RBM46: variants seen among roughly 807,000 people sequenced by gnomAD.
The protein encoded by RBM46 is RNA binding motif protein 46, also known as probable RNA-binding protein 46.
RBM46 carries 12 observed loss-of-function variants against 43.3 expected under a neutral mutation model. The observed-to-expected ratio is 0.28, with a 90% CI of 0.18 to 0.45. The LOEUF is 0.45. RBM46 is among the 20% of genes least tolerant of loss of function. RBM46 has a pLI of 1.00. For synonymous variants in RBM46, 205 were observed against 207.6 expected (o/e 0.99, Z 0.11); for missense variants, 412 against 639.1 (o/e 0.64, Z 3.83).
chr4:154,814,851 T>A (rs573936088), intron 4 of RBM46, among the ~76,000 whole-genome samples: 114 of 151,412 alleles, frequency 7.5e-4, no homozygotes, highest in African/African-American at 2.0e-3. Context: ...CCCTTTTTTT[T>A]AAAACTCCTT....
intron 4 of RBM46, among the ~76,000 whole-genome samples, chr4:154,817,331 CTTT>C (rs58860836): frequency 0.1 from 13,192 of 126,364 alleles, 1,169 homozygotes; most frequent in African/African-American, 0.28. Context: ...TTTTCTCTTT[CTTT>C]TTTTTTTTTT....
intron 4 of RBM46, among the ~76,000 whole-genome samples, chr4:154,802,725 A>G (rs184578976): frequency 2.0e-5 from 3 of 152,284 alleles, no homozygotes; most frequent in East Asian, 3.9e-4. Flanking sequence ...TGAGAAGTCA[A>G]ATTTTCTAGA....
At chr4:154,785,089 G>A (rs926453422) in intron 1 of RBM46, among the ~76,000 whole-genome samples, 2 of 150,786 alleles carry the variant, frequency 1.3e-5, no homozygotes, top group Admixed American at 6.6e-5. Context: ...TGAGATAAGG[G>A]TTTTTTTTTC....
chr4:154,785,996 C>CT (rs1200453325), intron 1 of RBM46, among the ~76,000 whole-genome samples: 1 of 152,126 alleles, frequency 6.6e-6, no homozygotes, highest in Non-Finnish European at 1.5e-5. Context: ...GGTTATATCA[C>CT]TTAAAATGCT....
intron 4 of RBM46, 56 bp downstream of exon 4, chr4:154,799,620 A>G: frequency 8.3e-7 from 1 of 1,200,984 alleles, no homozygotes; most frequent in East Asian, 2.6e-5. Flanking sequence ...AATACTGTAG[A>G]TTATTTTTAA....
rs1047343308 is a variant in RBM46, at chr4:154,798,898, T to G, written c.736T>G (p.Ser246Ala). The G allele has an allele frequency of 1.2e-5, 20 of 1,612,264 alleles. No individual in the cohort carries two copies. The highest frequency in any genetic ancestry group is 1.7e-6 in the Non-Finnish European group (2 of 1,179,320). Reference sequence around the variant, plus strand: ...TCTTTATGTAAGAAATTTAATGATCTCAACTACAGAGGAAACAATTAAAGC... The same window carrying G: ...TCTTTATGTAAGAAATTTAATGATCGCAACTACAGAGGAAACAATTAAAGC... ...KVLYVRNLMI[S>A]TTEETIKAEF... Residue 246 changes from serine to alanine, a missense_variant, in exon 4 of 5, where the codon TCA becomes GCA. Coordinates refer to ENST00000281722, the MANE Select transcript of RBM46 (RefSeq NM_144979.5).
intron 4 of RBM46, among the ~76,000 whole-genome samples, chr4:154,804,294 T>C (rs1034458482): frequency 6.6e-6 from 1 of 152,212 alleles, no homozygotes; most frequent in Admixed American, 6.5e-5. Context: ...TATGGAGATA[T>C]CTTGGGTCAT....
chr4:154,813,693 C>T (rs1435458254), intron 4 of RBM46, among the ~76,000 whole-genome samples: 1 of 151,920 alleles, frequency 6.6e-6, no homozygotes, highest in Non-Finnish European at 1.5e-5. Flanking sequence ...TAGCATTATA[C>T]TTTTATATTC....
chr4:154,794,354 C>G (rs753754570), intron 1 of RBM46, among the ~76,000 whole-genome samples: 9 of 151,542 alleles, frequency 5.9e-5, no homozygotes, highest in Non-Finnish European at 8.8e-5. Context: ...CTAAATTTTT[C>G]TATTTTTACT....
intron 2 of RBM46, 67 bp from the exon 3 acceptor site, chr4:154,797,744 A>G (rs1247923842): frequency 9.1e-7 from 1 of 1,097,192 alleles, no homozygotes; most frequent in East Asian, 2.4e-5. Flanking sequence ...TTGAATGAAT[A>G]TATGATTGAA....
chr4:154,794,503 C>T (rs1251154573), intron 1 of RBM46, among the ~76,000 whole-genome samples: 2 of 152,088 alleles, frequency 1.3e-5, no homozygotes, highest in Non-Finnish European at 2.9e-5. Context: ...CTACTGACTT[C>T]CCCATGCAAC....
At chr4:154,807,495 G>C (rs1734963492) in intron 4 of RBM46, among the ~76,000 whole-genome samples, 1 of 151,838 alleles carries the variant, frequency 6.6e-6, no homozygotes, top group Non-Finnish European at 1.5e-5. Context: ...TGAATAAGGA[G>C]ACAGAAGATG....
At chr4:154,824,606 C>T (rs116401752) in intron 4 of RBM46, among the ~76,000 whole-genome samples, 3,498 of 152,076 alleles carry the variant, frequency 0.023, 130 homozygotes, top group African/African-American at 0.08. Flanking sequence ...AACAATTATA[C>T]CGAAACAAGC....
chr4:154,794,161 A>C (rs1051765678), intron 1 of RBM46, among the ~76,000 whole-genome samples: 1 of 142,674 alleles, frequency 7.0e-6, no homozygotes, highest in African/African-American at 2.6e-5. Flanking sequence ...TCTTGCCTGG[A>C]TTTTAGTAGT....
At chr4:154,813,482 C>T (rs961861780) in intron 4 of RBM46, among the ~76,000 whole-genome samples, 3 of 151,838 alleles carry the variant, frequency 2.0e-5, no homozygotes, top group African/African-American at 7.3e-5. Flanking sequence ...TATTTTTAAA[C>T]CCTCTGAGAA....
chr4:154,787,378 C>G (rs1578889273), intron 1 of RBM46: 1 of 141,348 alleles, frequency 7.1e-6, no homozygotes, highest in South Asian at 2.5e-4. Flanking sequence ...GTTCCCCACC[C>G]TGTGTCCAAG....
chr4:154,823,422 A>G (rs1243218558), intron 4 of RBM46, among the ~76,000 whole-genome samples: 1 of 151,976 alleles, frequency 6.6e-6, no homozygotes, highest in African/African-American at 2.4e-5. Flanking sequence ...CATAGCTAAC[A>G]GAGAAGAAAG....
intron 1 of RBM46, among the ~76,000 whole-genome samples, chr4:154,784,802 G>GGAC (rs529473996): frequency 6.6e-6 from 1 of 152,142 alleles, no homozygotes; most frequent in Non-Finnish European, 1.5e-5. Context: ...AAGTGGCAGA[G>GGAC]GACAAATTAA....
chr4:154,823,334 G>A (rs546201088), intron 4 of RBM46, among the ~76,000 whole-genome samples: 41 of 151,986 alleles, frequency 2.7e-4, no homozygotes, highest in African/African-American at 9.9e-4. Context: ...TTATAGTGGT[G>A]CTAGTTGTAC....
Sources: gnomAD v4.1 joint callset for allele counts (sites outside exome capture counted in the v4.1 genomes callset) on GRCh38, gnomAD v4.1.1 for gene constraint, MANE v1.5 for transcripts, NCBI Gene and HGNC (gene_info 2026-07-23, HGNC 2026-07-21) for gene names.